The following ADD3 variants were observed in gnomAD, a reference collection of about 807,000 sequenced individuals.
The protein encoded by ADD3 is adducin 3, also known as gamma-adducin.
In ADD3, 25 loss-of-function variants were observed where a neutral mutation model predicts 80.2. That is an observed-to-expected ratio of 0.31 (90% confidence interval 0.23 to 0.44). ADD3 has a LOEUF of 0.44. Ranked by LOEUF, ADD3 falls within the 20% of genes least tolerant of loss-of-function variation. The probability of loss-of-function intolerance (pLI) is 1.00; values close to 1 mark genes in which losing one functional copy is unlikely to be tolerated. For synonymous variants in ADD3, 284 were observed against 289.6 expected (o/e 0.98, Z 0.20); for missense variants, 829 against 847.5 (o/e 0.98, Z 0.27).
chr10:110,067,672 G>A (rs1259353764), intron 1 of ADD3, among the ~76,000 whole-genome samples: 1 of 152,172 alleles, frequency 6.6e-6, no homozygotes, highest in Non-Finnish European at 1.5e-5. Flanking sequence ...TCGTGTCAGT[G>A]TACTTTATGG....
intron 1 of ADD3, among the ~76,000 whole-genome samples, chr10:110,034,382 CA>C (rs1055810617): frequency 6.6e-6 from 1 of 151,436 alleles, no homozygotes; most frequent in Non-Finnish European, 1.5e-5. Context: ...CCTTTTGTTT[CA>C]AAAAATTACA....
At position 109,998,260 on chromosome 10, in the gene ADD3, A is replaced by G. The variant is rs548746750; in HGVS notation, n.79+1814A>G. On this transcript the variant is annotated intron_variant and non_coding_transcript_variant, in intron 1 of 5. Coordinates refer to the ADD3 transcript ENST00000468251. ...CTCTGTCTCAGGTAATGGTACTACC[A>G]TCCATCAAGACACTAAGGTCAAAGG... Among the ~76,000 whole-genome samples the G allele has an allele frequency of 2.0e-5, 3 of 152,318 alleles. No homozygotes were observed. The East Asian group carries it at 5.8e-4, about 29-fold the overall frequency.
At chr10:110,122,077 T>C (rs1851577657) in intron 8 of ADD3, 33 bp from the exon 9 acceptor site, 1 of 1,568,796 alleles carries the variant, frequency 6.4e-7, no homozygotes, top group Admixed American at 1.9e-5. Context: ...CTTTATAGTT[T>C]TGTGTCTCTG....
In ADD3 at chr10:110,063,737, T is replaced by TTATATATATATA. The variant is rs139871560; in HGVS notation, c.-29-36853_-29-36842dup. Among the ~76,000 whole-genome samples the TTATATATATATA allele has an allele frequency of 5.8e-3, 371 of 64,416 alleles. 19 individuals are homozygous for TTATATATATATA. Among genetic ancestry groups the TTATATATATATA allele is most frequent in the Non-Finnish European group, 8.5e-3 (252 of 29,810 alleles). 42.3% of individuals were successfully genotyped at this position (64,416 alleles called of 152,430 possible). A position where few individuals can be genotyped will look rare whatever the true frequency, so the allele number is the denominator to read the frequency against. ...TGATGAATATGAATATATATATTCA[T>TTATATATATATA]TATATATATATATATATATATATAT... On this transcript the variant is annotated intron_variant, in intron 1 of 14. Coordinates refer to ENST00000356080, the MANE Select transcript of ADD3 (RefSeq NM_016824.5).
At chr10:110,128,933 C>T (rs1396022730) in intron 12 of ADD3, among the ~76,000 whole-genome samples, 1 of 152,144 alleles carries the variant, frequency 6.6e-6, no homozygotes, top group Non-Finnish European at 1.5e-5. Context: ...ATACACAGAG[C>T]TCGGGGATTG....
chr10:110,051,053 A>C lies in ADD3; in HGVS notation c.-30+42754A>C, dbSNP rs183842961. 1.5e-3 allele frequency among the ~76,000 whole-genome samples: 236 copies of C among 152,330 alleles called. 1 individual carries two copies. Among genetic ancestry groups the C allele is most frequent in the African/African-American group, 5.4e-3 (224 of 41,576 alleles). On this transcript the variant is annotated intron_variant, in intron 1 of 14. Coordinates refer to ENST00000356080, the MANE Select transcript of ADD3 (RefSeq NM_016824.5). ...TTGACAACGGTGCCAGCACCATTCA[A>C]GGGGGAGAAAATGGTCTTTTTCAAG...
rs536647629 is a variant in ADD3, at chr10:109,999,983, G to C, written n.79+3537G>C. Among the ~76,000 whole-genome samples, 7 of 149,746 alleles carry C rather than the reference G, an allele frequency of 4.7e-5. No homozygotes were observed. In the South Asian group the frequency reaches 1.5e-3, roughly 32 times the overall value. On this transcript the variant is annotated intron_variant and non_coding_transcript_variant, in intron 1 of 5. Transcript: ENST00000468251. ...CACCCAGGCTGGAATACAATGGTGC[G>C]ATCTCGGCTCACTGCAACCTCTGCC...
chr10:109,998,791 C>T (rs756347303), intron 1 of ADD3, among the ~76,000 whole-genome samples: 56 of 152,160 alleles, frequency 3.7e-4, no homozygotes, highest in Non-Finnish European at 7.6e-4. Flanking sequence ...GCTCAAATGT[C>T]ACCTCCTCAA....
chr10:110,113,580 T>G (rs1332311528), intron 3 of ADD3, among the ~76,000 whole-genome samples: 15 of 152,196 alleles, frequency 9.9e-5, no homozygotes, highest in Non-Finnish European at 2.1e-4. Context: ...CCTGTCTCTA[T>G]TTTCTAAAAT....
At chr10:110,061,719 C>G (rs947786319) in intron 1 of ADD3, among the ~76,000 whole-genome samples, 1 of 152,116 alleles carries the variant, frequency 6.6e-6, no homozygotes, top group Non-Finnish European at 1.5e-5. Flanking sequence ...AATTTCTAGT[C>G]TGAGATACAT....
chr10:110,122,286 C>T lies in ADD3; in HGVS notation c.1137C>T (p.Asp379=), dbSNP rs770357936. 19 of 1,613,060 alleles carry T rather than the reference C, an allele frequency of 1.2e-5. No individual in the cohort carries two copies. In the East Asian group the frequency reaches 2.9e-4, roughly 25 times the overall value. The part of the protein sequence containing the change: ...IEFEGLMRTL[D]NLGYRTGYAY... Reference sequence around the variant, plus strand: ...TTGAAGGGCTTATGAGGACTCTGGACAACTTGGTAGGTTGCAAAATTGAAG... The same window carrying T: ...TTGAAGGGCTTATGAGGACTCTGGATAACTTGGTAGGTTGCAAAATTGAAG... Residue 379 remains aspartate (D), a synonymous_variant, in exon 9 of 15, where the codon GAC becomes GAT. Transcript: ENST00000356080.
chr10:110,074,092 C>T lies in ADD3; in HGVS notation c.-29-26533C>T, dbSNP rs1845102557. On this transcript the variant is annotated intron_variant, in intron 1 of 14. Coordinates refer to ENST00000356080, the MANE Select transcript of ADD3 (RefSeq NM_016824.5). ...CATTTCTAGAAGTTGGTGTCACCAT[C>T]AGCCAAAGATTAAACTTGTCTCCTC... 2.0e-5 allele frequency among the ~76,000 whole-genome samples: 3 copies of T among 152,188 alleles called. No individual in the cohort carries two copies. In the South Asian group the frequency reaches 6.2e-4, roughly 32 times the overall value.
chr10:110,081,809 C>G (rs1846089968), intron 1 of ADD3, among the ~76,000 whole-genome samples: 1 of 152,136 alleles, frequency 6.6e-6, no homozygotes, highest in African/African-American at 2.4e-5. Context: ...TCAAATTACC[C>G]CATCCATTGT....
rs186032453 is a variant in ADD3, at chr10:110,112,760, A to G, written c.196-17A>G. 33 of 1,606,492 alleles carry G rather than the reference A, an allele frequency of 2.1e-5. No individual in the cohort carries two copies. In the East Asian group the frequency reaches 6.9e-4, roughly 34 times the overall value. On this transcript the variant is annotated splice_polypyrimidine_tract_variant and intron_variant, in intron 2 of 14. Transcript: ENST00000356080. ...ATTCAGTCTTGCTTGCTCAGTCTTT[A>G]TTTTTGTGTATTACAGGCCTTTCGG... is the stretch of plus-strand genomic sequence containing the variant.
chr10:110,079,890 G>A (rs530739112), intron 1 of ADD3, among the ~76,000 whole-genome samples: 1 of 152,248 alleles, frequency 6.6e-6, no homozygotes, highest in African/African-American at 2.4e-5. Context: ...GTGGATGGAT[G>A]TACTGTAACT....
At chr10:110,080,895 G>T (rs1845982223) in intron 1 of ADD3, among the ~76,000 whole-genome samples, 1 of 152,186 alleles carries the variant, frequency 6.6e-6, no homozygotes, top group Non-Finnish European at 1.5e-5. Context: ...AAGTTACATG[G>T]CAAAGTTATA....
chr10:110,034,044 T>C (rs1210522627), intron 1 of ADD3, among the ~76,000 whole-genome samples: 1 of 152,238 alleles, frequency 6.6e-6, no homozygotes. Flanking sequence ...ACTCAGTGTG[T>C]CTCAAGTATG....
intron 1 of ADD3, among the ~76,000 whole-genome samples, chr10:110,050,282 C>A (rs72828271): frequency 1.3e-5 from 2 of 152,018 alleles, no homozygotes; most frequent in Non-Finnish European, 2.9e-5. Flanking sequence ...TCCCATGTGC[C>A]GTAGGAGGGA....
intron 1 of ADD3, among the ~76,000 whole-genome samples, chr10:110,056,558 C>G (rs1858221676): frequency 6.6e-6 from 1 of 152,032 alleles, no homozygotes; most frequent in South Asian, 2.1e-4. Flanking sequence ...AAATACCTTT[C>G]CTTATGCTTG....
Sources: gnomAD v4.1 joint callset for allele counts (sites outside exome capture counted in the v4.1 genomes callset) on GRCh38, gnomAD v4.1.1 for gene constraint, MANE v1.5 for transcripts, NCBI Gene and HGNC (gene_info 2026-07-23, HGNC 2026-07-21) for gene names.